SPP1: variants seen among roughly 807,000 people sequenced by gnomAD.
SPP1 encodes the protein osteopontin.
A neutral mutation model predicts 20.8 loss-of-function variants in SPP1; 18 were observed. The observed-to-expected ratio is 0.87, with a 90% CI of 0.60 to 1.29. The LOEUF (loss-of-function observed/expected upper bound fraction) is 1.29. SPP1 is among the 50% of genes most tolerant of loss of function. The pLI, the probability that SPP1 is intolerant of heterozygous loss-of-function variation, is 0.00. For synonymous variants in SPP1, 146 were observed against 141.5 expected, an observed-to-expected ratio of 1.03 and a Z score of -0.23; for missense variants, 363 against 389.0, an observed-to-expected ratio of 0.93 and a Z score of 0.56.
chr4:87,977,589 C>A, intron 3 of SPP1: 1 of 955,882 alleles, frequency 1.0e-6, no homozygotes, highest in Non-Finnish European at 1.3e-6. Flanking sequence ...TTGTGATTGT[C>A]AGCTGATGTT....
In SPP1 at chr4:87,982,623, T is replaced by C. The variant is rs768302236; in HGVS notation, c.672T>C (p.Ser224=). 1 of 1,614,080 alleles carries C rather than the reference T, an allele frequency of 6.2e-7. No individual in the cohort carries two copies. The highest frequency in any genetic ancestry group is 8.5e-7 in the Non-Finnish European group (1 of 1,180,004). The part of the protein sequence containing the change: ...PSDWDSRGKD[S]YETSQLDDQS... Reference sequence around the variant, plus strand: ...ATTGGGACAGCCGTGGGAAGGACAGTTATGAAACGAGTCAGCTGGATGACC... The same window carrying C: ...ATTGGGACAGCCGTGGGAAGGACAGCTATGAAACGAGTCAGCTGGATGACC... The change falls in exon 7 of 7, where the codon AGT becomes AGC. Residue 224 remains serine, a synonymous_variant. Transcript: ENST00000395080.
chr4:87,982,898 A>C lies in SPP1; in HGVS notation c.*2A>C, dbSNP rs1170624429. 5 of 1,580,454 alleles carry C rather than the reference A, an allele frequency of 3.2e-6. No individual in the cohort carries two copies. The highest frequency in any genetic ancestry group is 4.3e-6 in the Non-Finnish European group (5 of 1,164,646). ...AGTGCATCTTCTGAGGTCAATTAAA[A>C]GGAGAAAAAATACAATTTCTCACTT... On this transcript the variant is annotated 3_prime_UTR_variant, in exon 7 of 7. Coordinates refer to ENST00000395080, the MANE Select transcript of SPP1 (RefSeq NM_001040058.2).
At chr4:87,980,228 T>C (rs1179896812) in intron 4 of SPP1, 102 bp downstream of exon 4, 5 of 1,490,876 alleles carry the variant, frequency 3.4e-6, no homozygotes, top group South Asian at 1.2e-5. Flanking sequence ...CTGGCAAACA[T>C]GTGCTTAGGA....
intron 3 of SPP1, among the ~76,000 whole-genome samples, chr4:87,977,419 A>G (rs1725424919): frequency 6.6e-6 from 1 of 152,240 alleles, no homozygotes; most frequent in African/African-American, 2.4e-5. Context: ...AAAAGCAGAA[A>G]ATTCCAGCTT....
rs1725650965 is a variant in SPP1, at chr4:87,981,657, C to G, written c.399C>G (p.Val133=). Residue 133 remains valine (V), a synonymous_variant, in exon 6 of 7, where the codon GTC becomes GTG. Coordinates refer to ENST00000395080, the MANE Select transcript of SPP1 (RefSeq NM_001040058.2). The stretch of plus-strand genomic sequence containing the variant: ...ATTCTGATGAATCTGATGAACTGGT[C>G]ACTGATTTTCCCACGGACCTGCCAG... ...SHHSDESDEL[V]TDFPTDLPAT... 1 of 1,614,174 alleles carries G rather than the reference C, an allele frequency of 6.2e-7. No individual in the cohort carries two copies. Among genetic ancestry groups the G allele is most frequent in the Non-Finnish European group, 8.5e-7 (1 of 1,180,042 alleles).
intron 3 of SPP1, chr4:87,977,816 T>C (rs2110065844): frequency 7.8e-7 from 1 of 1,280,786 alleles, no homozygotes; most frequent in Middle Eastern, 2.1e-4. Context: ...TGGGGGTCAC[T>C]GCAATTAGAC....
At chr4:87,980,692 T>G in intron 5 of SPP1, 1 of 490,852 alleles carries the variant, frequency 2.0e-6, no homozygotes, top group Non-Finnish European at 3.6e-6. Context: ...TTTAAGGTAT[T>G]TTGTAGATAT....
rs377082687 is a variant in SPP1, at chr4:87,982,694, G to A, written c.743G>A (p.Arg248Gln). The change falls in exon 7 of 7, where the codon CGG (arginine) becomes CAG (glutamine). Residue 248 changes from arginine to glutamine, a missense_variant. Coordinates refer to ENST00000395080, the MANE Select transcript of SPP1 (RefSeq NM_001040058.2). ...HSHKQSRLYKRKANDESNEHS... is the reference protein window; with the variant it reads ...HSHKQSRLYKQKANDESNEHS... ...CACAAGCAGTCCAGATTATATAAGC[G>A]GAAAGCCAATGATGAGAGCAATGAG... is the stretch of plus-strand genomic sequence containing the variant. 1.9e-5 allele frequency: 31 copies of A among 1,614,052 alleles called. No individual in the cohort carries two copies. Among genetic ancestry groups the A allele is most frequent in the African/African-American group, 1.6e-4 (12 of 74,988 alleles).
At chr4:87,977,725 A>C in intron 3 of SPP1, 5 of 1,279,304 alleles carry the variant, frequency 3.9e-6, no homozygotes, top group Non-Finnish European at 4.1e-6. Context: ...ACAAATGGGC[A>C]TTGTCCCCAG....
At position 87,982,843 on chromosome 4, in the gene SPP1, C is replaced by T; in HGVS notation, c.892C>T (p.Leu298=). 6.2e-7 allele frequency: 1 copy of T among 1,614,052 alleles called. No individual in the cohort carries two copies. Among genetic ancestry groups the T allele is most frequent in the East Asian group, 2.2e-5 (1 of 44,880 alleles). The change falls in exon 7 of 7, where the codon CTG becomes TTG. Residue 298 remains leucine, a synonymous_variant. Coordinates refer to ENST00000395080, the MANE Select transcript of SPP1 (RefSeq NM_001040058.2). ...CAAAAGTAAGGAAGAAGATAAACAC[C>T]TGAAATTTCGTATTTCTCATGAATT... The part of the protein sequence containing the change: ...DPKSKEEDKH[L]KFRISHELDS...
At chr4:87,980,647 C>T (rs1006096674) in intron 5 of SPP1, 3 of 554,424 alleles carry the variant, frequency 5.4e-6, no homozygotes, top group African/African-American at 1.9e-5. Context: ...TTTATTAATG[C>T]CTGTTATTTG....
intron 5 of SPP1, 127 bp downstream of exon 5, chr4:87,980,561 T>C (rs1725599395): frequency 1.0e-6 from 1 of 955,656 alleles, no homozygotes; most frequent in Non-Finnish European, 1.6e-6. Flanking sequence ...TAAAACTTGC[T>C]CATAAATAAA....
intron 2 of SPP1, 48 bp downstream of exon 2, chr4:87,976,997 G>A (rs373948082): frequency 6.2e-7 from 1 of 1,612,872 alleles, no homozygotes; most frequent in African/African-American, 1.3e-5. Flanking sequence ...TAACTGAATT[G>A]TGTGCTTCCA....
In SPP1 at chr4:87,975,801, G is replaced by T. The variant is rs1725355749; in HGVS notation, c.-15+1G>T. On this transcript the variant is annotated splice_donor_variant, in intron 1 of 6. Coordinates refer to ENST00000395080, the MANE Select transcript of SPP1 (RefSeq NM_001040058.2). LOFTEE classifies it low-confidence loss of function (5UTR_SPLICE). ...CCTTCTCAGCCAAACGCCGACCAAG[G>T]TACAGCTTCAGTTTGCTACTGGGTT... The T allele has an allele frequency of 6.6e-6, 1 of 152,280 alleles. No individual in the cohort carries two copies. The highest frequency in any genetic ancestry group is 1.5e-5 in the Non-Finnish European group (1 of 68,100). 9.4% of individuals were successfully genotyped at this position (152,280 alleles called of 1,614,324 possible). A position where few individuals can be genotyped will look rare whatever the true frequency, so the allele number is the denominator to read the frequency against.
In SPP1 at chr4:87,982,490, AG is replaced by A. The variant is rs1725687519; in HGVS notation, c.541-1del. The stretch of plus-strand genomic sequence containing the variant: ...TTATTCTTCATTTGTGCCGTGATTC[AG>A]TACCCTGATGCTACAGACGAGGACA... On this transcript the variant is annotated splice_acceptor_variant, in intron 6 of 6. Coordinates refer to ENST00000395080, the MANE Select transcript of SPP1 (RefSeq NM_001040058.2). LOFTEE classifies it high-confidence loss of function. The A allele has an allele frequency of 6.2e-7, 1 of 1,611,322 alleles. No homozygotes were observed. The highest frequency in any genetic ancestry group is 1.3e-5 in the African/African-American group (1 of 74,856).
rs763811954 is a variant in SPP1, at chr4:87,976,961, T to G, written c.54+12T>G. ...CCTGTGCCATACCAGTGAGTACAGT[T>G]GCATCTTAAAGAAAATTCCTGAAAA... On this transcript the variant is annotated intron_variant, in intron 2 of 6. Transcript: ENST00000395080. 1.2e-6 allele frequency: 2 copies of G among 1,613,626 alleles called. No homozygotes were observed. Among genetic ancestry groups the G allele is most frequent in the African/African-American group, 1.3e-5 (1 of 74,936 alleles).
chr4:87,980,638 T>C, intron 5 of SPP1: 1 of 575,346 alleles, frequency 1.7e-6, no homozygotes, highest in South Asian at 2.5e-5. Flanking sequence ...CAGAAGATGT[T>C]TATTAATGCC....
chr4:87,982,800 T>C lies in SPP1; in HGVS notation c.849T>C (p.Asp283=), dbSNP rs1403568885. 5.0e-6 allele frequency: 8 copies of C among 1,614,168 alleles called. No homozygotes were observed. The highest frequency in any genetic ancestry group is 2.2e-5 in the East Asian group (1 of 44,888). Residue 283 remains aspartate (D), a synonymous_variant, in exon 7 of 7, where the codon GAT becomes GAC. Coordinates refer to ENST00000395080, the MANE Select transcript of SPP1 (RefSeq NM_001040058.2). The part of the protein sequence containing the change: ...FHSHEFHSHE[D]MLVVDPKSKE... The stretch of plus-strand genomic sequence containing the variant: ...GCCATGAATTTCACAGCCATGAAGA[T>C]ATGCTGGTTGTAGACCCCAAAAGTA...
At chr4:87,979,939 T>C in intron 3 of SPP1, 107 bp from the exon 4 acceptor site, 1 of 1,063,728 alleles carries the variant, frequency 9.4e-7, no homozygotes, top group Non-Finnish European at 1.4e-6. Flanking sequence ...TACCTAAGGG[T>C]CCGGGTGACT....
Sources: gnomAD v4.1 joint callset for allele counts (sites outside exome capture counted in the v4.1 genomes callset) on GRCh38, gnomAD v4.1.1 for gene constraint, MANE v1.5 for transcripts, NCBI Gene and HGNC (gene_info 2026-07-23, HGNC 2026-07-21) for gene names.